USP47: variants seen among roughly 807,000 people sequenced by gnomAD.
The protein encoded by USP47 is ubiquitin specific peptidase 47.
A neutral mutation model predicts 165.1 loss-of-function variants in USP47; 35 were observed. That is an observed-to-expected ratio of 0.21 (90% confidence interval 0.16 to 0.28). USP47 has a LOEUF of 0.28. USP47 is among the 10% of genes least tolerant of loss of function. The probability of loss-of-function intolerance (pLI) is 1.00; values close to 1 mark genes in which losing one functional copy is unlikely to be tolerated. For missense variants in USP47, 1,277 were observed against 1,607.4 expected, an observed-to-expected ratio of 0.79 and a Z score of 3.52; for synonymous variants, 531 against 544.5, an observed-to-expected ratio of 0.98 and a Z score of 0.35.
chr11:11,945,892 A>G (rs1035420606), intron 20 of USP47, among the ~76,000 whole-genome samples: 11 of 151,406 alleles, frequency 7.3e-5, no homozygotes, highest in Non-Finnish European at 1.3e-4. Flanking sequence ...CTATGATCGT[A>G]CCACTGCACT....
chr11:11,845,047 C>A (rs1848351845), intron 1 of USP47, among the ~76,000 whole-genome samples: 1 of 152,134 alleles, frequency 6.6e-6, no homozygotes, highest in African/African-American at 2.4e-5. Flanking sequence ...TTATAATAGT[C>A]TGTGACACAT....
At chr11:11,877,966 T>C (rs1352484259) in intron 1 of USP47, among the ~76,000 whole-genome samples, 1 of 152,062 alleles carries the variant, frequency 6.6e-6, no homozygotes, top group African/African-American at 2.4e-5. Flanking sequence ...ATACTCTTAG[T>C]ATTTTTAAAA....
chr11:11,909,448 CTTT>C (rs932297422), intron 8 of USP47, among the ~76,000 whole-genome samples: 3 of 152,026 alleles, frequency 2.0e-5, no homozygotes, highest in Admixed American at 1.3e-4. Flanking sequence ...GAAATATTAA[CTTT>C]TTGTTTGTTA....
At chr11:11,954,803 C>A in intron 25 of USP47, 94 bp from the exon 26 acceptor site, 3 of 1,365,092 alleles carry the variant, frequency 2.2e-6, no homozygotes. Context: ...ATTTTTTAAA[C>A]TGAGCTATTT....
chr11:11,945,970 A>C (rs1209769745), intron 20 of USP47, among the ~76,000 whole-genome samples: 1 of 151,864 alleles, frequency 6.6e-6, no homozygotes, highest in African/African-American at 2.4e-5. Flanking sequence ...AGAAAAGGAA[A>C]AAGAATAAAA....
At chr11:11,953,579 A>G (rs1856361463) in intron 25 of USP47, among the ~76,000 whole-genome samples, 1 of 152,150 alleles carries the variant, frequency 6.6e-6, no homozygotes, top group South Asian at 2.1e-4. Flanking sequence ...TTTAAAAAGC[A>G]ACTCATAAAC....
At chr11:11,846,152 G>A (rs577169261) in intron 1 of USP47, among the ~76,000 whole-genome samples, 3 of 152,176 alleles carry the variant, frequency 2.0e-5, no homozygotes, top group South Asian at 4.1e-4. Flanking sequence ...TCATTCTGCC[G>A]TATGTCTTTG....
chr11:11,910,220 G>A (rs1198788203), intron 8 of USP47, among the ~76,000 whole-genome samples: 1 of 152,140 alleles, frequency 6.6e-6, no homozygotes, highest in African/African-American at 2.4e-5. Flanking sequence ...AAGGTGGAGA[G>A]AAGGCATACA....
intron 12 of USP47, 80 bp from the exon 13 acceptor site, chr11:11,929,964 G>A: frequency 8.7e-7 from 1 of 1,148,130 alleles, no homozygotes; most frequent in South Asian, 1.3e-5. Context: ...TAACTCTGAG[G>A]CTAAAGATTG....
intron 1 of USP47, among the ~76,000 whole-genome samples, chr11:11,876,812 G>A (rs1278882377): frequency 6.6e-6 from 1 of 152,132 alleles, no homozygotes; most frequent in Non-Finnish European, 1.5e-5. Flanking sequence ...AGCAGAAACT[G>A]CTGGTTTCTT....
intron 1 of USP47, among the ~76,000 whole-genome samples, chr11:11,846,529 T>C (rs1198826901): frequency 2.6e-5 from 4 of 152,102 alleles, no homozygotes; most frequent in Non-Finnish European, 5.9e-5. Flanking sequence ...GGTTTTTTTC[T>C]CCTGTCTTTC....
intron 14 of USP47, among the ~76,000 whole-genome samples, chr11:11,932,048 G>T (rs1228581684): frequency 6.6e-6 from 1 of 152,140 alleles, no homozygotes; most frequent in African/African-American, 2.4e-5. Flanking sequence ...TCACAGTTCT[G>T]CAGGCTTTGC....
At position 11,902,967 on chromosome 11, in the gene USP47, A is replaced by G. The variant is rs559488494; in HGVS notation, c.739+107A>G. On this transcript the variant is annotated intron_variant, in intron 6 of 27. Transcript: ENST00000527733. ...TAATTACCTTTATCTTAAACCTTTC[A>G]TTGCAAGTTTGTTGTCATATATTTT... is the stretch of plus-strand genomic sequence containing the variant. 4.8e-5 allele frequency: 59 copies of G among 1,219,030 alleles called. No individual in the cohort carries two copies. The African/African-American group carries it at 9.0e-4, about 19-fold the overall frequency. The allele number at this position is 1,219,030 out of a possible 1,614,324, so 75.5% of individuals were successfully genotyped here.
intron 1 of USP47, among the ~76,000 whole-genome samples, chr11:11,862,300 G>T (rs1447469227): frequency 6.6e-6 from 1 of 152,138 alleles, no homozygotes; most frequent in Non-Finnish European, 1.5e-5. Flanking sequence ...AGAATTCTGT[G>T]TAGGACTTAG....
At chr11:11,851,822 A>T (rs940955543) in intron 1 of USP47, among the ~76,000 whole-genome samples, 3 of 152,060 alleles carry the variant, frequency 2.0e-5, no homozygotes, top group Non-Finnish European at 4.4e-5. Flanking sequence ...ATGGCTCTCA[A>T]TTTGGGTTTG....
intron 23 of USP47, 142 bp from the exon 24 acceptor site, chr11:11,950,222 T>G: frequency 1.4e-6 from 1 of 722,072 alleles, no homozygotes; most frequent in Non-Finnish European, 2.2e-6. Context: ...AAACATTTCT[T>G]TATTTCCCCA....
intron 19 of USP47, among the ~76,000 whole-genome samples, chr11:11,941,317 T>C (rs1352366411): frequency 2.4e-5 from 3 of 123,694 alleles, no homozygotes; most frequent in Non-Finnish European, 5.0e-5. Flanking sequence ...TACATTACTT[T>C]AGGGTAAGAA....
At chr11:11,926,763 A>C (rs371635168) in intron 11 of USP47, among the ~76,000 whole-genome samples, 1 of 113,976 alleles carries the variant, frequency 8.8e-6, no homozygotes, top group Non-Finnish European at 1.9e-5. Flanking sequence ...TTGTTCTTCT[A>C]TTTCTGGTTC....
intron 19 of USP47, among the ~76,000 whole-genome samples, chr11:11,941,260 A>C (rs1855449415): frequency 6.6e-6 from 1 of 151,902 alleles, no homozygotes; most frequent in Non-Finnish European, 1.5e-5. Context: ...ATGTACGTGT[A>C]TATGTGTGTG....
Sources: allele counts gnomAD v4.1 joint callset (sites outside exome capture counted in the v4.1 genomes callset), GRCh38; gene constraint gnomAD v4.1.1; transcripts MANE v1.5; gene names NCBI Gene and HGNC (gene_info 2026-07-23, HGNC 2026-07-21).